Variants in TXNRD2 observed in about 807,000 individuals in gnomAD.
TXNRD2 encodes the protein thioredoxin reductase 2.
In TXNRD2, 67 loss-of-function variants were observed where a neutral mutation model predicts 70.8. The observed-to-expected ratio is 0.95, with a 90% CI of 0.78 to 1.16. TXNRD2 has a LOEUF of 1.16. TXNRD2 is among the 50% of genes most tolerant of loss of function. The pLI, the probability that TXNRD2 is intolerant of heterozygous loss-of-function variation, is 0.00. For missense variants in TXNRD2, 644 were observed against 719.9 expected (o/e 0.89, Z 1.21); for synonymous variants, 301 against 295.8 (o/e 1.02, Z -0.18).
chr22:19,896,285 G>C (rs531308018), intron 10 of TXNRD2, among the ~76,000 whole-genome samples: 1 of 151,500 alleles, frequency 6.6e-6, no homozygotes, highest in Non-Finnish European at 1.5e-5. Context: ...GTGACAGAGT[G>C]AGACTCTGTC....
intron 1 of TXNRD2, among the ~76,000 whole-genome samples, chr22:19,936,616 C>T (rs1294742823): frequency 1.3e-5 from 2 of 152,146 alleles, no homozygotes; most frequent in African/African-American, 4.8e-5. Context: ...GGTCACTTTG[C>T]CATCCACTCA....
chr22:19,880,535 A>G, intron 13 of TXNRD2, 87 bp downstream of exon 13: 3 of 1,224,158 alleles, frequency 2.5e-6, no homozygotes, highest in Non-Finnish European at 3.6e-6. Flanking sequence ...GCAGACACAC[A>G]GCGCACAAAG....
chr22:19,901,555 T>C (rs1036861464), intron 8 of TXNRD2, among the ~76,000 whole-genome samples: 3 of 152,182 alleles, frequency 2.0e-5, no homozygotes, highest in East Asian at 1.9e-4. Flanking sequence ...CCTCCCCGCA[T>C]TGATCAAATT....
intron 2 of TXNRD2, among the ~76,000 whole-genome samples, chr22:19,927,263 C>T (rs1941181913): frequency 6.6e-6 from 1 of 151,272 alleles, no homozygotes. Flanking sequence ...CATTGCACTC[C>T]AGCCTGGGTG....
At chr22:19,920,230 T>A (rs1940846014) in intron 2 of TXNRD2, among the ~76,000 whole-genome samples, 1 of 152,140 alleles carries the variant, frequency 6.6e-6, no homozygotes, top group South Asian at 2.1e-4. Flanking sequence ...CCAGTTGCCC[T>A]CCCAGCCAGC....
At chr22:19,920,442 G>A (rs1940854425) in intron 2 of TXNRD2, among the ~76,000 whole-genome samples, 1 of 152,184 alleles carries the variant, frequency 6.6e-6, no homozygotes, top group South Asian at 2.1e-4. Flanking sequence ...AATTGGCCAG[G>A]TGTGGTGGTG....
At chr22:19,912,964 G>T (rs989312234) in intron 7 of TXNRD2, among the ~76,000 whole-genome samples, 1 of 152,228 alleles carries the variant, frequency 6.6e-6, no homozygotes, top group East Asian at 1.9e-4. Flanking sequence ...CCTCCAGGCC[G>T]AGAGAGCCGT....
Position 19,895,439 on chromosome 22 carries a change from G to C in TXNRD2, c.917C>G (p.Thr306Arg). The C allele has an allele frequency of 5.0e-6, 8 of 1,613,932 alleles. No homozygotes were observed. The highest frequency in any genetic ancestry group is 6.8e-6 in the Non-Finnish European group (8 of 1,179,988). ...CCACAGGACGGTGTCAAAGGTGCCC[G>C]TGTCCTCCTTGCCGGTGGTGCTGTC... ...WEDSTTGKEDTGTFDTVLWAI... is the reference protein window; with the variant it reads ...WEDSTTGKEDRGTFDTVLWAI... Residue 306 changes from threonine (T) to arginine (R), a missense_variant, in exon 11 of 18, where the codon ACG becomes AGG. By Grantham distance (71) the Thr-to-Arg change is moderately conservative. Transcript: ENST00000400521.
intron 8 of TXNRD2, among the ~76,000 whole-genome samples, chr22:19,909,871 C>CACACACACACAACCACACACACCCT: frequency 1.8e-5 from 1 of 55,694 alleles, no homozygotes; most frequent in East Asian, 5.0e-4. Context: ...ACACACACAC[C>CACACACACACAACCACACACACCCT]ACTCACACAC....
intron 12 of TXNRD2, among the ~76,000 whole-genome samples, chr22:19,882,909 C>T (rs545571763): frequency 3.9e-5 from 6 of 152,358 alleles, no homozygotes; most frequent in East Asian, 3.9e-4. Context: ...GCGGGGAGGG[C>T]GGGGCCAGGT....
chr22:19,881,048 C>T (rs1938752668), intron 12 of TXNRD2: 2 of 482,182 alleles, frequency 4.1e-6, no homozygotes, highest in South Asian at 9.9e-5. Flanking sequence ...CGGAGGGCTG[C>T]CCCATGACCA....
intron 12 of TXNRD2, 134 bp from the exon 13 acceptor site, chr22:19,880,851 C>T (rs1481529576): frequency 1.7e-5 from 11 of 660,532 alleles, no homozygotes; most frequent in African/African-American, 1.3e-4. Flanking sequence ...AGCATGGTGA[C>T]GTACAGCATT....
At chr22:19,878,575 G>A (rs1417638428) in intron 14 of TXNRD2, 138 bp from the exon 15 acceptor site, 2 of 858,942 alleles carry the variant, frequency 2.3e-6, no homozygotes, top group East Asian at 2.5e-5. Context: ...TCTGGTCTGG[G>A]ATGGGGATGA....
At chr22:19,941,663 C>A in intron 1 of TXNRD2, 38 bp downstream of exon 1, 2 of 1,438,738 alleles carry the variant, frequency 1.4e-6, no homozygotes, top group Non-Finnish European at 9.1e-7. Flanking sequence ...CCCGGCCGCG[C>A]GGACACCTAC....
At chr22:19,928,153 G>T (rs1383300121) in intron 2 of TXNRD2, among the ~76,000 whole-genome samples, 1 of 150,632 alleles carries the variant, frequency 6.6e-6, no homozygotes, top group Non-Finnish European at 1.5e-5. Flanking sequence ...ACTACAAAAT[G>T]CTGCTAAAAG....
intron 2 of TXNRD2, 114 bp from the exon 3 acceptor site, chr22:19,919,713 CGGCTG>C: frequency 3.9e-6 from 4 of 1,026,594 alleles, no homozygotes; most frequent in African/African-American, 1.6e-5. Flanking sequence ...CCTGGGCCTG[CGGCTG>C]CCCACACAGT....
intron 2 of TXNRD2, 24 bp from the exon 3 acceptor site, chr22:19,919,623 G>A (rs1940811215): frequency 6.5e-7 from 1 of 1,541,878 alleles, no homozygotes; most frequent in Non-Finnish European, 8.7e-7. Flanking sequence ...GAGAGCAGCA[G>A]GTGAGCATGG....
At chr22:19,926,956 T>TTG (rs1410772403) in intron 2 of TXNRD2, among the ~76,000 whole-genome samples, 1 of 152,108 alleles carries the variant, frequency 6.6e-6, no homozygotes, top group Non-Finnish European at 1.5e-5. Flanking sequence ...TAACACAGGT[T>TTG]TGAACTGCAC....
At chr22:19,885,086 C>T (rs1938963539) in intron 11 of TXNRD2, among the ~76,000 whole-genome samples, 1 of 152,154 alleles carries the variant, frequency 6.6e-6, no homozygotes, top group South Asian at 2.1e-4. Flanking sequence ...CAGCCTGGGG[C>T]CCGGAGAGAG....
Sources: gnomAD v4.1 joint callset for allele counts (sites outside exome capture counted in the v4.1 genomes callset) on GRCh38, gnomAD v4.1.1 for gene constraint, MANE v1.5 for transcripts, NCBI Gene and HGNC (gene_info 2026-07-23, HGNC 2026-07-21) for gene names.